OR2L13: variants seen among roughly 807,000 people sequenced by gnomAD.
The protein encoded by OR2L13 is olfactory receptor family 2 subfamily L member 13, also known as olfactory receptor 2L13.
A neutral mutation model predicts 15.3 loss-of-function variants in OR2L13; 14 were observed. The ratio of observed to expected loss-of-function variants is 0.91; its 90% CI spans 0.60 to 1.43. The LOEUF is 1.43. OR2L13 is among the 40% of genes most tolerant of loss of function. OR2L13 has a pLI of 0.00. For synonymous variants in OR2L13, 152 were observed against 142.9 expected (o/e 1.06, Z -0.45); for missense variants, 367 against 387.9 (o/e 0.95, Z 0.45).
the OR2L13 span, among the ~76,000 whole-genome samples, chr1:248,089,808 G>A: frequency 2.0e-5 from 3 of 152,152 alleles, no homozygotes; most frequent in East Asian, 3.9e-4. Context: ...CTTCCTGAAG[G>A]TCCTGGAGGA....
chr1:247,976,065 T>C, the OR2L13 span, among the ~76,000 whole-genome samples: 21 of 152,256 alleles, frequency 1.4e-4, no homozygotes, highest in South Asian at 3.9e-3. Flanking sequence ...TCTCAACCGG[T>C]GGGTATAGCT....
At chr1:247,968,860 A>T in the OR2L13 span, among the ~76,000 whole-genome samples, 1 of 152,154 alleles carries the variant, frequency 6.6e-6, no homozygotes, top group Non-Finnish European at 1.5e-5. Flanking sequence ...GTATATACCC[A>T]GTAATGGGAT....
At chr1:248,020,996 CT>C in the OR2L13 span, among the ~76,000 whole-genome samples, 74 of 151,804 alleles carry the variant, frequency 4.9e-4, no homozygotes, top group African/African-American at 1.6e-3. Context: ...GCTGCTGCAG[CT>C]TTAGAAGTAA....
At chr1:247,948,232 A>G in the OR2L13 span, among the ~76,000 whole-genome samples, 6 of 152,174 alleles carry the variant, frequency 3.9e-5, no homozygotes, top group Non-Finnish European at 8.8e-5. Flanking sequence ...AAGAAAAAGA[A>G]TAAGTGTGGA....
At chr1:248,084,073 A>G in the OR2L13 span, 6 of 1,611,616 alleles carry the variant, frequency 3.7e-6, no homozygotes, top group South Asian at 5.5e-5. Flanking sequence ...TCGCAGAAGA[A>G]GTGATCGATC....
the OR2L13 span, among the ~76,000 whole-genome samples, chr1:247,984,229 C>CATTATTATTATTATTATT: frequency 6.1e-3 from 909 of 148,496 alleles, 10 homozygotes; most frequent in African/African-American, 0.02. Flanking sequence ...GAAAATAAGT[C>CATTATTATTATTATTATT]ATTATTATTA....
chr1:248,090,871 C>T (rs1185873468), upstream of OR2L13, among the ~76,000 whole-genome samples: 1 of 152,154 alleles, frequency 6.6e-6, no homozygotes, highest in Non-Finnish European at 1.5e-5. Flanking sequence ...AGCTGCTTTC[C>T]ACAATAGTTG....
chr1:248,066,375 G>C, the OR2L13 span, among the ~76,000 whole-genome samples: 16 of 152,310 alleles, frequency 1.1e-4, no homozygotes, highest in East Asian at 2.9e-3. Flanking sequence ...TTCTGTAGAA[G>C]TAATAATTGT....
the OR2L13 span, among the ~76,000 whole-genome samples, chr1:247,940,727 C>CATGCGT: frequency 7.3e-5 from 4 of 54,696 alleles, no homozygotes; most frequent in Admixed American, 7.8e-4. Context: ...TGTGTGCATA[C>CATGCGT]GTGCGTGTGT....
chr1:247,965,464 G>A, the OR2L13 span: 24 of 1,613,338 alleles, frequency 1.5e-5, no homozygotes, highest in Middle Eastern at 1.6e-4. Context: ...TCTCTTTGTC[G>A]TCATTGCCAC....
At chr1:248,027,426 A>T in the OR2L13 span, among the ~76,000 whole-genome samples, 3 of 152,166 alleles carry the variant, frequency 2.0e-5, no homozygotes, top group African/African-American at 7.2e-5. Flanking sequence ...CTTGTGAAGC[A>T]TGTGATCTCT....
the OR2L13 span, among the ~76,000 whole-genome samples, chr1:248,079,060 C>T: frequency 6.6e-6 from 1 of 151,622 alleles, no homozygotes; most frequent in Non-Finnish European, 1.5e-5. Flanking sequence ...CTGATTGGGG[C>T]GAAGGTTACA....
chr1:248,079,762 G>A, the OR2L13 span, among the ~76,000 whole-genome samples: 1 of 152,066 alleles, frequency 6.6e-6, no homozygotes, highest in Non-Finnish European at 1.5e-5. Flanking sequence ...AAACTAATTG[G>A]AAAAGAATTA....
chr1:247,990,768 T>C, the OR2L13 span: 1 of 1,601,936 alleles, frequency 6.2e-7, no homozygotes, highest in Admixed American at 1.7e-5. Context: ...GTATCCCATA[T>C]TGCAAGTCCA....
the OR2L13 span, among the ~76,000 whole-genome samples, chr1:248,018,116 C>G: frequency 6.6e-6 from 1 of 150,520 alleles, no homozygotes; most frequent in Admixed American, 6.6e-5. Flanking sequence ...GATCACACCA[C>G]TGCACTCCAG....
the OR2L13 span, among the ~76,000 whole-genome samples, chr1:247,998,914 G>T: frequency 3.3e-5 from 5 of 152,118 alleles, no homozygotes; most frequent in Admixed American, 6.5e-5. Flanking sequence ...AAGCAAATGA[G>T]CAGAGCATGT....
At chr1:248,024,972 CA>C in the OR2L13 span, among the ~76,000 whole-genome samples, 1 of 152,042 alleles carries the variant, frequency 6.6e-6, no homozygotes, top group African/African-American at 2.4e-5. Context: ...ATGGGGTTGG[CA>C]TTGAATCTAT....
chr1:248,076,472 C>T, the OR2L13 span, among the ~76,000 whole-genome samples: 3 of 152,178 alleles, frequency 2.0e-5, no homozygotes, highest in African/African-American at 7.2e-5. Context: ...TTCTTCCTAT[C>T]CATGAGCATG....
chr1:248,014,730 C>T, the OR2L13 span, among the ~76,000 whole-genome samples: 1 of 152,086 alleles, frequency 6.6e-6, no homozygotes, highest in African/African-American at 2.4e-5. Context: ...ATGATACACC[C>T]AGTCAAGTAA....
Sources: allele counts gnomAD v4.1 joint callset (sites outside exome capture counted in the v4.1 genomes callset), GRCh38; gene constraint gnomAD v4.1.1; transcripts MANE v1.5; gene names NCBI Gene and HGNC (gene_info 2026-07-23, HGNC 2026-07-21).